ACBD6: variants seen among roughly 807,000 people sequenced by gnomAD.
ACBD6 encodes acyl-CoA binding domain containing 6.
In ACBD6, 28 loss-of-function variants were observed where a neutral mutation model predicts 37.2. That is an observed-to-expected ratio of 0.75 (90% CI 0.56 to 1.03). ACBD6 has a LOEUF of 1.03. Ranked by LOEUF, ACBD6 falls within the 50% of genes least tolerant of loss-of-function variation. The pLI is 0.00. For synonymous variants in ACBD6, 113 were observed against 126.8 expected, an observed-to-expected ratio of 0.89 and a Z score of 0.73; for missense variants, 340 against 337.4, an observed-to-expected ratio of 1.01 and a Z score of -0.06.
At chr1:180,480,953 C>T (rs1035376085) in intron 3 of ACBD6, among the ~76,000 whole-genome samples, 2 of 151,962 alleles carry the variant, frequency 1.3e-5, no homozygotes, top group Non-Finnish European at 2.9e-5. Context: ...ATTGCTGGAA[C>T]CCGGGAGGCA....
chr1:180,353,938 A>C (rs1652520365), intron 6 of ACBD6, among the ~76,000 whole-genome samples: 2 of 152,192 alleles, frequency 1.3e-5, no homozygotes, highest in South Asian at 4.1e-4. Context: ...TGTGAGCTAA[A>C]GTTAATGGAT....
intron 6 of ACBD6, among the ~76,000 whole-genome samples, chr1:180,354,319 T>C (rs1156286509): frequency 1.3e-5 from 2 of 152,236 alleles, no homozygotes; most frequent in East Asian, 1.9e-4. Flanking sequence ...GAAGCTACAA[T>C]GTCAGTTTTG....
chr1:180,370,467 A>C (rs1653220327), intron 6 of ACBD6, among the ~76,000 whole-genome samples: 2 of 152,214 alleles, frequency 1.3e-5, no homozygotes, highest in Admixed American at 1.3e-4. Flanking sequence ...TATTGAAGAA[A>C]CAGAAAACAT....
At chr1:180,480,531 G>T (rs560722526) in intron 3 of ACBD6, among the ~76,000 whole-genome samples, 1 of 152,104 alleles carries the variant, frequency 6.6e-6, no homozygotes, top group Admixed American at 6.5e-5. Context: ...AGGGTAAGGG[G>T]GTAGACAGTT....
chr1:180,299,688 C>T (rs1008595208), intron 7 of ACBD6, among the ~76,000 whole-genome samples: 2 of 152,064 alleles, frequency 1.3e-5, no homozygotes, highest in African/African-American at 4.8e-5. Context: ...ACAAAGCCTG[C>T]CCACTCTGAA....
intron 6 of ACBD6, among the ~76,000 whole-genome samples, chr1:180,376,554 T>C (rs549189949): frequency 6.6e-6 from 1 of 152,110 alleles, no homozygotes; most frequent in South Asian, 2.1e-4. Flanking sequence ...CACTGTTAGG[T>C]GAAAAAGTGA....
intron 3 of ACBD6, among the ~76,000 whole-genome samples, chr1:180,460,617 C>A (rs182597394): frequency 6.6e-6 from 1 of 152,206 alleles, no homozygotes; most frequent in Non-Finnish European, 1.5e-5. Flanking sequence ...GCTGGTGATA[C>A]CTCCAGGTAT....
chr1:180,496,796 A>G (rs1651758513), intron 1 of ACBD6, among the ~76,000 whole-genome samples: 1 of 152,152 alleles, frequency 6.6e-6, no homozygotes, highest in South Asian at 2.1e-4. Context: ...AAGGGTGAAA[A>G]AGAAGGAGCC....
At chr1:180,499,573 TAAAC>T (rs1312657535) in intron 1 of ACBD6, among the ~76,000 whole-genome samples, 1 of 152,150 alleles carries the variant, frequency 6.6e-6, no homozygotes, top group Non-Finnish European at 1.5e-5. Flanking sequence ...CCAATATCAA[TAAAC>T]AAAGATATGT....
At chr1:180,287,460 A>G (rs1649541737), downstream of ACBD6, 1 of 151,800 alleles carries the variant, frequency 6.6e-6, no homozygotes, top group South Asian at 2.1e-4. Flanking sequence ...TTTAAATTAA[A>G]ATGAGAGCAT....
intron 5 of ACBD6, among the ~76,000 whole-genome samples, chr1:180,405,704 G>A (rs754598685): frequency 5.3e-5 from 8 of 151,996 alleles, no homozygotes; most frequent in African/African-American, 9.7e-5. Context: ...GAGAAATAAC[G>A]TGTGACAAGA....
intron 6 of ACBD6, among the ~76,000 whole-genome samples, chr1:180,374,597 C>G (rs1653369182): frequency 6.6e-6 from 1 of 152,230 alleles, no homozygotes; most frequent in Non-Finnish European, 1.5e-5. Context: ...CCTGCCTATT[C>G]TTAAGTGGAA....
chr1:180,476,812 G>A (rs1650813945), intron 3 of ACBD6, among the ~76,000 whole-genome samples: 1 of 151,906 alleles, frequency 6.6e-6, no homozygotes, highest in Non-Finnish European at 1.5e-5. Context: ...GCAACAGAGT[G>A]AGACTCTGTC....
At chr1:180,309,837 G>T (rs1014829448) in intron 7 of ACBD6, among the ~76,000 whole-genome samples, 1 of 152,148 alleles carries the variant, frequency 6.6e-6, no homozygotes, top group African/African-American at 2.4e-5. Context: ...TCATAGCTGT[G>T]GGGGTGGCTG....
Position 180,437,631 on chromosome 1 carries a change from T to C in ACBD6, c.385-7369A>G, listed in dbSNP as rs140618510. On this transcript the variant is annotated intron_variant, in intron 3 of 7. Transcript: ENST00000367595. ...AAAAAATCCTAAAGATTCCACCCAA[T>C]CTGTTATTCAGCAAAGTTGCAGGAT... Among the ~76,000 whole-genome samples, 24 of 152,242 alleles carry C rather than the reference T, an allele frequency of 1.6e-4. No individual in the cohort carries two copies. In the East Asian group the frequency reaches 4.6e-3, roughly 29 times the overall value.
At chr1:180,487,418 C>T (rs571918280) in intron 3 of ACBD6, among the ~76,000 whole-genome samples, 2 of 152,246 alleles carry the variant, frequency 1.3e-5, no homozygotes, top group South Asian at 4.2e-4. Context: ...GCCCTCCACT[C>T]CAACCCACTG....
intron 6 of ACBD6, among the ~76,000 whole-genome samples, chr1:180,358,763 C>T (rs1377322624): frequency 6.6e-6 from 1 of 152,106 alleles, no homozygotes; most frequent in Non-Finnish European, 1.5e-5. Context: ...AGGGATTAAT[C>T]TCCTTTGAAT....
At position 180,427,851 on chromosome 1, in the gene ACBD6, C is replaced by G. The variant is rs142491659; in HGVS notation, c.467+2329G>C. Among the ~76,000 whole-genome samples, 314 of 148,162 alleles carry G rather than the reference C, an allele frequency of 2.1e-3. 1 individual carries two copies. The highest frequency in any genetic ancestry group is 7.2e-3 in the African/African-American group (284 of 39,646). ...AGGGGAATCGCTTGAATCCAGGAGG[C>G]AGATGTTGCAGTGAGCTGAGATCAT... On this transcript the variant is annotated intron_variant, in intron 4 of 7. Transcript: ENST00000367595.
intron 2 of ACBD6, among the ~76,000 whole-genome samples, chr1:180,494,077 C>A (rs1360335299): frequency 2.6e-5 from 4 of 152,142 alleles, no homozygotes; most frequent in Non-Finnish European, 5.9e-5. Context: ...GTTTCTCTCT[C>A]ATAATTAAAA....
Sources: allele counts gnomAD v4.1 joint callset (sites outside exome capture counted in the v4.1 genomes callset), GRCh38; gene constraint gnomAD v4.1.1; transcripts MANE v1.5; gene names NCBI Gene and HGNC (gene_info 2026-07-23, HGNC 2026-07-21).